The following IMMP2L variants were observed in gnomAD, a reference collection of about 807,000 sequenced individuals.
IMMP2L encodes mitochondrial inner membrane protease subunit 2.
A neutral mutation model predicts 19.3 loss-of-function variants in IMMP2L; 18 were observed. That is an observed-to-expected ratio of 0.93 (90% CI 0.64 to 1.38). The LOEUF (loss-of-function observed/expected upper bound fraction) is 1.38. Ranked by LOEUF, IMMP2L falls within the 40% of genes most tolerant of loss-of-function variation. The pLI, the probability that IMMP2L is intolerant of heterozygous loss-of-function variation, is 0.00. For missense variants in IMMP2L, 233 were observed against 218.2 expected (o/e 1.07, Z -0.43); for synonymous variants, 76 against 73.0 (o/e 1.04, Z -0.21).
intron 3 of IMMP2L, among the ~76,000 whole-genome samples, chr7:111,347,783 C>G (rs1023051776): frequency 1.1e-4 from 16 of 152,032 alleles, no homozygotes; most frequent in African/African-American, 3.9e-4. Flanking sequence ...CAATGAGCTT[C>G]TACTCAATCT....
At chr7:111,326,171 TTA>T (rs1174157692) in intron 3 of IMMP2L, among the ~76,000 whole-genome samples, 1 of 151,716 alleles carries the variant, frequency 6.6e-6, no homozygotes, top group Admixed American at 6.6e-5. Flanking sequence ...TAATCGAATT[TTA>T]TATATTTTAG....
intron 4 of IMMP2L, among the ~76,000 whole-genome samples, chr7:110,942,650 C>G (rs1265945995): frequency 6.6e-6 from 1 of 151,666 alleles, no homozygotes; most frequent in Non-Finnish European, 1.5e-5. Flanking sequence ...TATGGGTAGA[C>G]TGAAAATTGT....
chr7:110,992,248 C>T (rs1432414876), intron 3 of IMMP2L, among the ~76,000 whole-genome samples: 2 of 151,870 alleles, frequency 1.3e-5, no homozygotes, highest in East Asian at 1.9e-4. Context: ...TTAGAAATTG[C>T]AATAGCTACA....
intron 3 of IMMP2L, among the ~76,000 whole-genome samples, chr7:111,030,003 C>T (rs1377874917): frequency 1.3e-5 from 2 of 152,230 alleles, no homozygotes; most frequent in Admixed American, 1.3e-4. Flanking sequence ...AATCCCAAAA[C>T]CCAGTGGTCA....
intron 2 of IMMP2L, among the ~76,000 whole-genome samples, chr7:111,501,907 G>A (rs919863283): frequency 6.6e-6 from 1 of 152,116 alleles, no homozygotes; most frequent in Admixed American, 6.5e-5. Flanking sequence ...GGAAGAAACT[G>A]CATCAACTAA....
chr7:111,163,438 T>A (rs560368992), intron 3 of IMMP2L, among the ~76,000 whole-genome samples: 1 of 152,226 alleles, frequency 6.6e-6, no homozygotes, highest in South Asian at 2.1e-4. Context: ...AAATCTCTCC[T>A]CAGTGCTTTA....
intron 1 of IMMP2L, among the ~76,000 whole-genome samples, chr7:111,529,512 CTT>C (rs1476960711): frequency 2.6e-5 from 4 of 152,204 alleles, no homozygotes; most frequent in African/African-American, 9.6e-5. Flanking sequence ...TATCTTTAGT[CTT>C]GTCTGACCTA....
At chr7:111,304,512 ATGTGTATATATACATATATATAACG>A (rs1275403723) in intron 3 of IMMP2L, among the ~76,000 whole-genome samples, 1 of 151,956 alleles carries the variant, frequency 6.6e-6, no homozygotes, top group Non-Finnish European at 1.5e-5. Context: ...TATATATAAA[ATGTGTATATATACATATATATAACG>A]TGTGTATATA....
At chr7:111,343,258 T>C (rs1452252257) in intron 3 of IMMP2L, among the ~76,000 whole-genome samples, 2 of 152,100 alleles carry the variant, frequency 1.3e-5, no homozygotes, top group Non-Finnish European at 2.9e-5. Flanking sequence ...ACATTATATC[T>C]AAGTTCTTAA....
In IMMP2L at chr7:110,663,525, C is replaced by G; in HGVS notation, c.*77G>C. The G allele has an allele frequency of 7.2e-7, 1 of 1,382,812 alleles. No individual in the cohort carries two copies. The allele number at this position is 1,382,812 out of a possible 1,614,324, so 85.7% of individuals were successfully genotyped here. A position where few individuals can be genotyped will look rare whatever the true frequency, so the allele number is the denominator to read the frequency against. On this transcript the variant is annotated 3_prime_UTR_variant, in exon 6 of 6. Transcript: ENST00000405709. ...GCATCATATTGTCAGAAGTTTTTCC[C>G]TTTTGGAGGCTTCTTTTTTCCATTC...
At chr7:110,992,065 T>C (rs1269011062) in intron 3 of IMMP2L, among the ~76,000 whole-genome samples, 1 of 152,186 alleles carries the variant, frequency 6.6e-6, no homozygotes, top group Non-Finnish European at 1.5e-5. Flanking sequence ...CCGTATTTCA[T>C]GTTTTTCATT....
intron 3 of IMMP2L, among the ~76,000 whole-genome samples, chr7:111,425,235 G>A (rs895195645): frequency 1.3e-5 from 2 of 151,684 alleles, no homozygotes; most frequent in Admixed American, 1.3e-4. Context: ...GAGAAATGTG[G>A]TTCCCTGTGA....
chr7:111,439,858 C>T (rs578117776), intron 3 of IMMP2L, among the ~76,000 whole-genome samples: 1 of 151,906 alleles, frequency 6.6e-6, no homozygotes, highest in Non-Finnish European at 1.5e-5. Context: ...CCTTTAAAAC[C>T]CTGTCACTGC....
intron 5 of IMMP2L, among the ~76,000 whole-genome samples, chr7:110,694,501 CT>C (rs1465106617): frequency 3.3e-5 from 5 of 152,108 alleles, no homozygotes; most frequent in Non-Finnish European, 7.4e-5. Context: ...CCTTAATTGC[CT>C]TTGAGACACA....
chr7:111,294,420 G>A (rs919746819), intron 3 of IMMP2L, among the ~76,000 whole-genome samples: 10 of 151,834 alleles, frequency 6.6e-5, no homozygotes, highest in African/African-American at 2.2e-4. Flanking sequence ...AAAAATGATC[G>A]TTCAATGGAA....
chr7:111,283,533 C>T (rs1174776792), intron 3 of IMMP2L, among the ~76,000 whole-genome samples: 2 of 151,940 alleles, frequency 1.3e-5, no homozygotes, highest in African/African-American at 4.8e-5. Context: ...GAGTGGCTAG[C>T]ATGTAGGGTA....
chr7:111,003,281 T>C (rs1264300888), intron 3 of IMMP2L, among the ~76,000 whole-genome samples: 3 of 152,166 alleles, frequency 2.0e-5, no homozygotes, highest in Admixed American at 6.6e-5. Flanking sequence ...ATTTTTGCCA[T>C]ACAATGGTCA....
At chr7:110,957,492 G>C (rs1818473164) in intron 4 of IMMP2L, among the ~76,000 whole-genome samples, 2 of 151,888 alleles carry the variant, frequency 1.3e-5, no homozygotes, top group African/African-American at 4.8e-5. Flanking sequence ...TATTCTCCAA[G>C]CAGCAGAAAG....
At chr7:111,265,000 G>C (rs1402817571) in intron 3 of IMMP2L, among the ~76,000 whole-genome samples, 1 of 152,080 alleles carries the variant, frequency 6.6e-6, no homozygotes, top group Non-Finnish European at 1.5e-5. Context: ...AGAGTTAACT[G>C]TTTAAAGCAA....
Sources: gnomAD v4.1 joint callset for allele counts (sites outside exome capture counted in the v4.1 genomes callset) on GRCh38, gnomAD v4.1.1 for gene constraint, MANE v1.5 for transcripts, NCBI Gene and HGNC (gene_info 2026-07-23, HGNC 2026-07-21) for gene names.